The following CMSS1 variants were observed in gnomAD, a reference collection of about 807,000 sequenced individuals.
CMSS1 encodes the protein cms1 ribosomal small subunit homolog.
CMSS1 carries 33 observed loss-of-function variants against 43.5 expected under a neutral mutation model. The ratio of observed to expected loss-of-function variants is 0.76; its 90% CI spans 0.57 to 1.01. The LOEUF (loss-of-function observed/expected upper bound fraction) is 1.01, where lower values mean the gene tolerates loss of function less well. CMSS1 is among the 50% of genes least tolerant of loss of function. The pLI, the probability that CMSS1 is intolerant of heterozygous loss-of-function variation, is 0.00. For synonymous variants in CMSS1, 115 were observed against 117.2 expected (o/e 0.98, Z 0.12); for missense variants, 313 against 326.4 (o/e 0.96, Z 0.32).
At chr3:100,168,361 C>A (rs189087349) in intron 6 of CMSS1, among the ~76,000 whole-genome samples, 7 of 152,256 alleles carry the variant, frequency 4.6e-5, no homozygotes, top group Admixed American at 1.3e-4. Context: ...ATACCCCAAA[C>A]AACCAGTTAG....
chr3:99,866,808 C>CTACTG (rs1553690989), intron 1 of CMSS1, among the ~76,000 whole-genome samples: 2 of 152,168 alleles, frequency 1.3e-5, no homozygotes, highest in African/African-American at 4.8e-5. Context: ...TATGCCATCT[C>CTACTG]TAATTACAGA....
intron 1 of CMSS1, among the ~76,000 whole-genome samples, chr3:99,902,916 A>G (rs1457500442): frequency 1.3e-5 from 2 of 152,230 alleles, no homozygotes. Flanking sequence ...TAAAGCAACT[A>G]AAATCTATAA....
chr3:99,976,308 A>G (rs919734871), intron 1 of CMSS1, among the ~76,000 whole-genome samples: 3 of 152,352 alleles, frequency 2.0e-5, no homozygotes, highest in Admixed American at 1.3e-4. Context: ...CCTGCTTATA[A>G]CCAAATAATT....
rs1943265192 is a variant in CMSS1, at chr3:99,844,280, GCTCTGAGTGGAA to G, written c.64+26240_64+26251del. Among the ~76,000 whole-genome samples the G allele has an allele frequency of 4.6e-5, 7 of 152,300 alleles. No homozygotes were observed. In the South Asian group the frequency reaches 1.5e-3, roughly 32 times the overall value. ...CGCCCCCAGAGGTTCTCATTGGATAGCTCTGAGTGGAACTTAATATCAGGGGATTCTCACACA... is the reference window on the plus strand; with the variant it reads ...CGCCCCCAGAGGTTCTCATTGGATAGCTTAATATCAGGGGATTCTCACACA... On this transcript the variant is annotated intron_variant, in intron 1 of 9. Transcript: ENST00000421999.
At chr3:99,853,853 TTA>T (rs1256692191) in intron 1 of CMSS1, among the ~76,000 whole-genome samples, 1 of 152,142 alleles carries the variant, frequency 6.6e-6, no homozygotes, top group African/African-American at 2.4e-5. Flanking sequence ...AAACAAGAAT[TTA>T]TATGCAGAAA....
chr3:99,850,036 A>C, intron 1 of CMSS1: 2 of 1,609,740 alleles, frequency 1.2e-6, no homozygotes, highest in Non-Finnish European at 8.5e-7. Flanking sequence ...TTTGGACTTG[A>C]GCGCCCTTTT....
intron 1 of CMSS1, among the ~76,000 whole-genome samples, chr3:100,115,250 T>C (rs1216752196): frequency 1.3e-5 from 2 of 152,160 alleles, no homozygotes; most frequent in African/African-American, 2.4e-5. Flanking sequence ...TCATGCATTA[T>C]CTAATTTAAT....
intron 1 of CMSS1, among the ~76,000 whole-genome samples, chr3:99,940,296 A>G (rs1238694337): frequency 6.6e-6 from 1 of 152,172 alleles, no homozygotes; most frequent in East Asian, 1.9e-4. Context: ...CACACTTCCA[A>G]CCCTAGATCA....
intron 1 of CMSS1, among the ~76,000 whole-genome samples, chr3:99,819,006 C>G (rs571532154): frequency 5.5e-4 from 84 of 152,374 alleles, no homozygotes; most frequent in African/African-American, 1.9e-3. Flanking sequence ...AAGTCAGATT[C>G]ATACTTCTGT....
chr3:100,125,770 A>C (rs2107495495), intron 1 of CMSS1, among the ~76,000 whole-genome samples: 1 of 152,334 alleles, frequency 6.6e-6, no homozygotes, highest in Non-Finnish European at 1.5e-5. Flanking sequence ...AAATTACAAA[A>C]AGGAAAAACT....
chr3:100,068,129 A>G (rs1044692864), intron 1 of CMSS1, among the ~76,000 whole-genome samples: 3 of 152,244 alleles, frequency 2.0e-5, no homozygotes, highest in Non-Finnish European at 4.4e-5. Context: ...CTCCAAGGCA[A>G]TCAGAGAAAT....
chr3:99,921,636 A>G (rs762471275), intron 1 of CMSS1, among the ~76,000 whole-genome samples: 28 of 152,214 alleles, frequency 1.8e-4, no homozygotes, highest in Non-Finnish European at 3.8e-4. Flanking sequence ...ACAGAGTGAT[A>G]GACACTTTTT....
chr3:99,957,760 CA>C (rs1424397163), intron 1 of CMSS1, among the ~76,000 whole-genome samples: 1 of 96,046 alleles, frequency 1.0e-5, no homozygotes, highest in African/African-American at 4.1e-5. Flanking sequence ...AATGAAAACA[CA>C]GGTTCCATTC....
rs1447146791 is a variant in CMSS1 at position 99,899,040 on chromosome 3, GGTTATTCCTC to G, written c.64+80998_64+81007del. 2.0e-5 allele frequency among the ~76,000 whole-genome samples: 3 copies of G among 152,132 alleles called. No individual in the cohort carries two copies. In the East Asian group the frequency reaches 5.8e-4, roughly 29 times the overall value. ...AACACACATACTGAAAAAAAAATGT[GGTTATTCCTC>G]CTTATTAGGACCTCAAAGACAGCTA... On this transcript the variant is annotated intron_variant, in intron 1 of 9. Transcript: ENST00000421999.
chr3:100,067,231 A>G (rs1221467964), intron 1 of CMSS1, among the ~76,000 whole-genome samples: 2 of 152,186 alleles, frequency 1.3e-5, no homozygotes, highest in African/African-American at 4.8e-5. Context: ...ACAGTTGAAC[A>G]AAAGTAAGGT....
At chr3:100,177,048 C>A (rs530065804) in intron 9 of CMSS1, among the ~76,000 whole-genome samples, 1 of 152,136 alleles carries the variant, frequency 6.6e-6, no homozygotes, top group African/African-American at 2.4e-5. Context: ...TTCAATCTAG[C>A]CTGATGCTTC....
intron 1 of CMSS1, among the ~76,000 whole-genome samples, chr3:99,999,079 C>T (rs1345566383): frequency 6.6e-6 from 1 of 152,200 alleles, no homozygotes; most frequent in East Asian, 1.9e-4. Flanking sequence ...CTATATCCGT[C>T]ATATATATCT....
At chr3:99,935,359 A>C (rs1488939639) in intron 1 of CMSS1, among the ~76,000 whole-genome samples, 2 of 152,206 alleles carry the variant, frequency 1.3e-5, no homozygotes, top group Middle Eastern at 3.4e-3. Flanking sequence ...TGAGTTTACA[A>C]GGGAAAAAAA....
intron 1 of CMSS1, among the ~76,000 whole-genome samples, chr3:100,017,201 T>G (rs1710370078): frequency 6.6e-6 from 1 of 152,200 alleles, no homozygotes; most frequent in Non-Finnish European, 1.5e-5. Flanking sequence ...GATTATCAAT[T>G]AAGCTGAAAA....
Sources: gnomAD v4.1 joint callset for allele counts (sites outside exome capture counted in the v4.1 genomes callset) on GRCh38, gnomAD v4.1.1 for gene constraint, MANE v1.5 for transcripts, NCBI Gene and HGNC (gene_info 2026-07-23, HGNC 2026-07-21) for gene names.